Variants in COA1 observed in about 807,000 individuals in gnomAD.
COA1 encodes the protein cytochrome c oxidase assembly factor 1 homolog.
In COA1, 13 loss-of-function variants were observed where a neutral mutation model predicts 16.0. The observed-to-expected ratio is 0.81, with a 90% CI of 0.53 to 1.29. The LOEUF (loss-of-function observed/expected upper bound fraction) is 1.29. COA1 is among the 50% of genes most tolerant of loss of function. The probability of loss-of-function intolerance (pLI) is 0.00; values close to 1 mark genes in which losing one functional copy is unlikely to be tolerated. For missense variants in COA1, 179 were observed against 177.0 expected (o/e 1.01, Z -0.06); for synonymous variants, 65 against 65.7 (o/e 0.99, Z 0.05).
intron 1 of COA1, among the ~76,000 whole-genome samples, chr7:43,704,639 T>C (rs2094897538): frequency 6.6e-6 from 1 of 152,232 alleles, no homozygotes; most frequent in Non-Finnish European, 1.5e-5. Context: ...GAAATTCCTG[T>C]AGTAAATTTT....
intron 1 of COA1, among the ~76,000 whole-genome samples, chr7:43,677,192 ACTC>A (rs146658062): frequency 0.039 from 5,960 of 152,256 alleles, 380 homozygotes; most frequent in African/African-American, 0.14. Flanking sequence ...AGAGAAAAAT[ACTC>A]AATTCTTTCT....
At chr7:43,663,749 C>A (rs1292427820) in intron 1 of COA1, among the ~76,000 whole-genome samples, 1 of 151,548 alleles carries the variant, frequency 6.6e-6, no homozygotes, top group African/African-American at 2.4e-5. Flanking sequence ...CCCCATCCCC[C>A]AAGCCCCAGC....
At chr7:43,709,920 T>C (rs1238332134) in intron 1 of COA1, among the ~76,000 whole-genome samples, 1 of 152,198 alleles carries the variant, frequency 6.6e-6, no homozygotes, top group Admixed American at 6.5e-5. Flanking sequence ...AACCTAGAAA[T>C]GTCTCTGTGC....
chr7:43,629,117 C>G (rs1377048223), intron 6 of COA1, among the ~76,000 whole-genome samples: 1 of 152,170 alleles, frequency 6.6e-6, no homozygotes, highest in Non-Finnish European at 1.5e-5. Flanking sequence ...AAAGAGTCTC[C>G]TTTCACTGTT....
At chr7:43,699,851 C>CA (rs2094652331) in intron 1 of COA1, among the ~76,000 whole-genome samples, 2 of 151,726 alleles carry the variant, frequency 1.3e-5, no homozygotes, top group South Asian at 2.1e-4. Flanking sequence ...GTCAGTCTTA[C>CA]AAAAAAAGTC....
intron 1 of COA1, among the ~76,000 whole-genome samples, chr7:43,727,006 T>G (rs1161475292): frequency 6.6e-6 from 1 of 152,238 alleles, no homozygotes; most frequent in Non-Finnish European, 1.5e-5. Flanking sequence ...AGATTTTTAA[T>G]GGTCGCAACA....
chr7:43,663,666 CAAAAAAAAAAAA>C (rs759423078), intron 1 of COA1, among the ~76,000 whole-genome samples: 2 of 70,640 alleles, frequency 2.8e-5, no homozygotes, highest in African/African-American at 6.4e-5. Flanking sequence ...GACCCTATCT[CAAAAAAAAAAAA>C]AAAAAAAAAA....
chr7:43,691,421 A>AAAGAAAG (rs2094346852), intron 1 of COA1, among the ~76,000 whole-genome samples: 1 of 87,460 alleles, frequency 1.1e-5, no homozygotes, highest in Non-Finnish European at 2.2e-5. Context: ...GGAAGAAAGA[A>AAAGAAAG]AAAGAAAGAA....
chr7:43,624,587 T>C lies in COA1; in HGVS notation c.*133+14862A>G, dbSNP rs377533782. 3.2e-5 allele frequency: 52 copies of C among 1,614,024 alleles called. No homozygotes were observed. The African/African-American group carries it at 6.3e-4, about 19-fold the overall frequency. ...CACAGAGCAGTATTCAAGAGCCTTC[T>C]TTCAGGATGGAAAAGGCACTAGAAG... is the stretch of plus-strand genomic sequence containing the variant. On this transcript the variant is annotated intron_variant and NMD_transcript_variant, in intron 6 of 6. Transcript: ENST00000415076.
intron 1 of COA1, among the ~76,000 whole-genome samples, chr7:43,655,670 A>G (rs557989052): frequency 4.1e-4 from 62 of 151,858 alleles, no homozygotes; most frequent in African/African-American, 1.5e-3. Context: ...AAAATTAAAA[A>G]CTCCAGTATT....
intron 1 of COA1, among the ~76,000 whole-genome samples, chr7:43,698,723 C>T (rs2094606818): frequency 6.6e-6 from 1 of 152,156 alleles, no homozygotes; most frequent in Non-Finnish European, 1.5e-5. Flanking sequence ...GCATACCATA[C>T]TTACACATGA....
rs183181258 is a variant in COA1, at chr7:43,717,696, G to C, written c.-39+11733C>G. 3.0e-3 allele frequency among the ~76,000 whole-genome samples: 450 copies of C among 152,248 alleles called. 7 individuals are homozygous for C. Among genetic ancestry groups the C allele is most frequent in the Admixed American group, 0.013 (194 of 15,296 alleles). On this transcript the variant is annotated intron_variant, in intron 1 of 5. Coordinates refer to ENST00000223336, the MANE Select transcript of COA1 (RefSeq NM_018224.4). ...GGACATGAGATTTGGCAGGGGCCGG[G>C]GGGGGAACAATATGGTTTGGCTCTA... is the stretch of plus-strand genomic sequence containing the variant.
chr7:43,624,530 T>A (rs201695280), intron 6 of COA1: 8 of 1,612,010 alleles, frequency 5.0e-6, no homozygotes, highest in Non-Finnish European at 6.8e-6. Flanking sequence ...ATCGAGCCAC[T>A]GCTGAAGAAT....
chr7:43,704,740 C>T (rs2131512082), intron 1 of COA1, among the ~76,000 whole-genome samples: 1 of 152,260 alleles, frequency 6.6e-6, no homozygotes, highest in South Asian at 2.1e-4. Flanking sequence ...GATTGGGTTT[C>T]AACCTTCTCC....
chr7:43,656,338 A>G (rs777852228), intron 1 of COA1, among the ~76,000 whole-genome samples: 2 of 152,242 alleles, frequency 1.3e-5, no homozygotes, highest in Non-Finnish European at 2.9e-5. Context: ...AAAGACTTAA[A>G]AATAGAAGAC....
intron 1 of COA1, among the ~76,000 whole-genome samples, chr7:43,723,850 C>T (rs1051545053): frequency 2.0e-5 from 3 of 152,106 alleles, no homozygotes; most frequent in African/African-American, 7.2e-5. Flanking sequence ...TCACTTGAGC[C>T]CATGAGGTCA....
intron 6 of COA1, among the ~76,000 whole-genome samples, chr7:43,615,546 T>C (rs890295223): frequency 1.3e-5 from 2 of 152,200 alleles, no homozygotes; most frequent in African/African-American, 2.4e-5. Context: ...TGAGGACTCA[T>C]AGTCATGATG....
chr7:43,677,566 A>G (rs2093588784), intron 1 of COA1, among the ~76,000 whole-genome samples: 1 of 152,178 alleles, frequency 6.6e-6, no homozygotes, highest in African/African-American at 2.4e-5. Context: ...TGGGAGGCCA[A>G]GAAGGGTGGA....
At chr7:43,632,245 A>T in intron 6 of COA1, 1 of 162,732 alleles carries the variant, frequency 6.1e-6, no homozygotes, top group Non-Finnish European at 1.3e-5. Flanking sequence ...CGTCCATGAG[A>T]AGGAACTTCT....
Sources: allele counts gnomAD v4.1 joint callset (sites outside exome capture counted in the v4.1 genomes callset), GRCh38; gene constraint gnomAD v4.1.1; transcripts MANE v1.5; gene names NCBI Gene and HGNC (gene_info 2026-07-23, HGNC 2026-07-21).